The following SCARA3 variants were observed in gnomAD, a reference collection of about 807,000 sequenced individuals.
The protein encoded by SCARA3 is cellular stress response gene protein.
Under a neutral mutation model 47.0 loss-of-function variants are expected in SCARA3, and 39 were observed. The observed-to-expected ratio is 0.83, with a 90% CI of 0.64 to 1.08. SCARA3 has a LOEUF of 1.08. SCARA3 is among the 50% of genes least tolerant of loss of function. The pLI is 0.00. For synonymous variants in SCARA3, 356 were observed against 334.1 expected, an observed-to-expected ratio of 1.07 and a Z score of -0.71; for missense variants, 724 against 792.3, an observed-to-expected ratio of 0.91 and a Z score of 1.04.
chr8:27,726,256 A>C, the SCARA3 span, among the ~76,000 whole-genome samples: 1 of 152,204 alleles, frequency 6.6e-6, no homozygotes, highest in Non-Finnish European at 1.5e-5. Context: ...ATTTTTAAAA[A>C]TTAGCTGGGT....
chr8:27,669,234 C>T (rs1333672503), intron 5 of SCARA3, among the ~76,000 whole-genome samples: 1 of 152,194 alleles, frequency 6.6e-6, no homozygotes, highest in Non-Finnish European at 1.5e-5. Context: ...GCTGAGTGAG[C>T]ACGCAATTTT....
chr8:27,679,216 C>CTTACTTAT (rs762884579), downstream of SCARA3, among the ~76,000 whole-genome samples: 65 of 151,440 alleles, frequency 4.3e-4, no homozygotes, highest in African/African-American at 1.5e-3. Flanking sequence ...TACTTACTTA[C>CTTACTTAT]TAAGTAAGTA....
chr8:27,690,133 G>A, the SCARA3 span, among the ~76,000 whole-genome samples: 1 of 152,052 alleles, frequency 6.6e-6, no homozygotes, highest in African/African-American at 2.4e-5. Flanking sequence ...TTAACACTCT[G>A]GGATAAAATA....
intron 5 of SCARA3, among the ~76,000 whole-genome samples, chr8:27,667,407 C>T (rs1249118929): frequency 6.6e-6 from 1 of 152,178 alleles, no homozygotes; most frequent in Non-Finnish European, 1.5e-5. Context: ...CCAGGCAGCA[C>T]CTAGGATTGC....
Position 27,671,299 on chromosome 8 carries a change from C to T in SCARA3, c.1769C>T (p.Pro590Leu), listed in dbSNP as rs1366723285. 1 of 1,436,102 alleles carries T rather than the reference C, an allele frequency of 7.0e-7. No homozygotes were observed. The allele number at this position is 1,436,102 out of a possible 1,614,324, so 89.0% of individuals were successfully genotyped here. A position where few individuals can be genotyped will look rare whatever the true frequency, so the allele number is the denominator to read the frequency against. ...GPKGEPGIQG[P>L]PGLPGPPGPP... ...AAGGGTGAACCAGGGATCCAGGGTC[C>T]CCCTGGTCTCCCGGGGCCTCCAGGT... The change falls in exon 6 of 6, where the codon CCC becomes CTC. Residue 590 changes from proline to leucine, a missense_variant. By Grantham distance (98) the Pro-to-Leu change is moderately conservative. Transcript: ENST00000301904.
intron 2 of SCARA3, 130 bp from the exon 3 acceptor site, chr8:27,651,378 C>T (rs1033057809): frequency 1.8e-4 from 203 of 1,127,418 alleles, no homozygotes; most frequent in Middle Eastern, 1.5e-3. Flanking sequence ...GAATGAGGGT[C>T]GAGAACAGCT....
the SCARA3 span, among the ~76,000 whole-genome samples, chr8:27,718,893 A>G: frequency 6.6e-6 from 1 of 152,232 alleles, no homozygotes; most frequent in African/African-American, 2.4e-5. Flanking sequence ...TGAAAGTGAA[A>G]AAACAATGAT....
At chr8:27,673,967 C>A (rs1802222574), downstream of SCARA3, among the ~76,000 whole-genome samples, 1 of 152,180 alleles carries the variant, frequency 6.6e-6, no homozygotes, top group South Asian at 2.1e-4. Flanking sequence ...TGCTGCACAT[C>A]TGGGGCTGGA....
chr8:27,730,772 G>C, the SCARA3 span, among the ~76,000 whole-genome samples: 2 of 152,052 alleles, frequency 1.3e-5, no homozygotes, highest in Non-Finnish European at 2.9e-5. Context: ...TTACAGGCAT[G>C]AGTCCACTGC....
At chr8:27,691,396 T>C in the SCARA3 span, among the ~76,000 whole-genome samples, 16 of 152,108 alleles carry the variant, frequency 1.1e-4, no homozygotes, top group Non-Finnish European at 1.2e-4. Flanking sequence ...TCAAACTGAT[T>C]CCCTTCTTTT....
the SCARA3 span, chr8:27,697,105 C>T: frequency 6.2e-6 from 1 of 160,022 alleles, no homozygotes; most frequent in African/African-American, 2.4e-5. Flanking sequence ...AGATAGCCAT[C>T]AGAGGATTTA....
At chr8:27,636,799 C>T (rs1332610173) in intron 1 of SCARA3, among the ~76,000 whole-genome samples, 9 of 152,226 alleles carry the variant, frequency 5.9e-5, no homozygotes, top group Non-Finnish European at 2.9e-5. Context: ...ACTTCCAGCA[C>T]TTCCCTCCCT....
downstream of SCARA3, chr8:27,676,680 A>T (rs1259376764): frequency 3.6e-6 from 3 of 832,268 alleles, no homozygotes; most frequent in African/African-American, 1.7e-5. Flanking sequence ...AATGGTAAGC[A>T]TCACCTTAAG....
chr8:27,680,884 A>C (rs1221494195), downstream of SCARA3, among the ~76,000 whole-genome samples: 1 of 150,416 alleles, frequency 6.6e-6, no homozygotes, highest in Non-Finnish European at 1.5e-5. Context: ...GTACAGAGTT[A>C]AGGAGAAAAA....
the SCARA3 span, among the ~76,000 whole-genome samples, chr8:27,713,659 T>C: frequency 6.6e-6 from 1 of 152,178 alleles, no homozygotes. Context: ...CTCTGAGTTG[T>C]CCCCATTGTT....
At chr8:27,689,099 A>G in the SCARA3 span, among the ~76,000 whole-genome samples, 1 of 152,164 alleles carries the variant, frequency 6.6e-6, no homozygotes, top group African/African-American at 2.4e-5. Context: ...CAGCAAGTCA[A>G]TCAGAACAGG....
the SCARA3 span, among the ~76,000 whole-genome samples, chr8:27,690,412 C>G: frequency 6.6e-6 from 1 of 152,222 alleles, no homozygotes; most frequent in African/African-American, 2.4e-5. Flanking sequence ...CTGTCTCCCT[C>G]TTTCTCTCAC....
chr8:27,668,468 AAGC>A, intron 5 of SCARA3, among the ~76,000 whole-genome samples: 1 of 146,442 alleles, frequency 6.8e-6, no homozygotes, highest in African/African-American at 2.6e-5. Flanking sequence ...TGAACCCGGG[AAGC>A]GGAGCTTGCA....
At chr8:27,698,652 G>A in the SCARA3 span, among the ~76,000 whole-genome samples, 13 of 152,198 alleles carry the variant, frequency 8.5e-5, no homozygotes, top group African/African-American at 1.9e-4. Flanking sequence ...ATTAAAAAGT[G>A]ATTTACCAAT....
Sources: gnomAD v4.1 joint callset for allele counts (sites outside exome capture counted in the v4.1 genomes callset) on GRCh38, gnomAD v4.1.1 for gene constraint, MANE v1.5 for transcripts, NCBI Gene and HGNC (gene_info 2026-07-23, HGNC 2026-07-21) for gene names.